The following SPOCD1 variants were observed in gnomAD, a reference collection of about 807,000 sequenced individuals.
SPOCD1 encodes SPOC domain containing 1.
Under a neutral mutation model 92.2 loss-of-function variants are expected in SPOCD1, and 64 were observed. That is an observed-to-expected ratio of 0.69 (90% CI 0.57 to 0.86). The LOEUF (loss-of-function observed/expected upper bound fraction) is 0.86, where lower values mean the gene tolerates loss of function less well. Among genes scored for constraint, SPOCD1 ranks in the 40% least tolerant of loss-of-function variants. The pLI is 0.00. For missense variants in SPOCD1, 1,360 were observed against 1,543.1 expected (o/e 0.88, Z 1.99); for synonymous variants, 578 against 619.3 (o/e 0.93, Z 0.99).
intron 5 of SPOCD1, 28 bp downstream of exon 5, chr1:31,799,988 G>A (rs754878542): frequency 1.9e-6 from 3 of 1,611,352 alleles, no homozygotes; most frequent in Non-Finnish European, 2.5e-6. Flanking sequence ...CAGTGAAGGA[G>A]GCACATGGCC....
chr1:31,793,131 T>C, intron 13 of SPOCD1, 147 bp downstream of exon 13: 1 of 1,010,242 alleles, frequency 9.9e-7, no homozygotes, highest in Non-Finnish European at 1.4e-6. Context: ...CAACATCTCA[T>C]TTGCCCCCAT....
chr1:31,806,548 T>A, intron 2 of SPOCD1, among the ~76,000 whole-genome samples: 1 of 143,674 alleles, frequency 7.0e-6, no homozygotes, highest in South Asian at 2.2e-4. Context: ...ATATGAAAAC[T>A]TTTTTTTTTT....
chr1:31,802,097 G>A (rs1648507823), intron 2 of SPOCD1, among the ~76,000 whole-genome samples: 1 of 152,198 alleles, frequency 6.6e-6, no homozygotes, highest in East Asian at 1.9e-4. Flanking sequence ...GAACCCAGGA[G>A]GCGGAGGTTG....
chr1:31,806,547 C>CCTTTTTTTTT (rs1648829426), intron 2 of SPOCD1, among the ~76,000 whole-genome samples: 1 of 143,628 alleles, frequency 7.0e-6, no homozygotes. Context: ...GATATGAAAA[C>CCTTTTTTTTT]TTTTTTTTTT....
chr1:31,808,186 T>C (rs1286032196), intron 2 of SPOCD1, among the ~76,000 whole-genome samples: 2 of 152,152 alleles, frequency 1.3e-5, no homozygotes, highest in Admixed American at 6.5e-5. Flanking sequence ...AAGGGTATTA[T>C]AGAACAAATC....
At chr1:31,803,936 G>C (rs1648644815) in intron 2 of SPOCD1, among the ~76,000 whole-genome samples, 1 of 152,114 alleles carries the variant, frequency 6.6e-6, no homozygotes. Context: ...CAGAAGGAGA[G>C]AGGAAAGAGA....
intron 12 of SPOCD1, 98 bp from the exon 13 acceptor site, chr1:31,793,526 T>C (rs984110759): frequency 3.3e-6 from 5 of 1,524,002 alleles, no homozygotes; most frequent in Non-Finnish European, 4.4e-6. Context: ...GTCCCTACTG[T>C]GGGGACTGGA....
At chr1:31,813,396 T>C (rs1649329219) in intron 2 of SPOCD1, among the ~76,000 whole-genome samples, 1 of 150,618 alleles carries the variant, frequency 6.6e-6, no homozygotes, top group Non-Finnish European at 1.5e-5. Flanking sequence ...GCCTCCAGAG[T>C]AGCTGGAACA....
At chr1:31,795,099 G>T (rs1002825573) in intron 10 of SPOCD1, 1 of 152,200 alleles carries the variant, frequency 6.6e-6, no homozygotes, top group African/African-American at 2.4e-5. Context: ...ATGTCCTTAG[G>T]ACAAGATTTC....
intron 3 of SPOCD1, among the ~76,000 whole-genome samples, chr1:31,801,436 A>C (rs1648457763): frequency 6.6e-6 from 1 of 152,198 alleles, no homozygotes; most frequent in Non-Finnish European, 1.5e-5. Flanking sequence ...GGTGAGTCTG[A>C]AAACTAATCC....
rs769640684 is a variant in SPOCD1, at chr1:31,815,053, G to A, written c.281C>T (p.Ser94Leu). 21 of 1,613,708 alleles carry A rather than the reference G, an allele frequency of 1.3e-5. No homozygotes were observed. The highest frequency in any genetic ancestry group is 6.7e-5 in the African/African-American group (5 of 74,914). Reference protein sequence around the residue: ...ELLAVVQSRGSMLAPGLHMQL... With the variant: ...ELLAVVQSRGLMLAPGLHMQL... ...CATGTGGAGCCCAGGAGCCAGCATC[G>A]AGCCCCGGCTCTGTACCACAGCTAG... Residue 94 changes from serine (S) to leucine (L), a missense_variant, in exon 2 of 16, where the codon TCG (serine) becomes TTG (leucine). Around this residue, in one of 3 missense-constraint regions of SPOCD1, gnomAD observed 140 missense variants for 183.8 expected, o/e 0.76. Coordinates refer to ENST00000360482, the MANE Select transcript of SPOCD1 (RefSeq NM_144569.7).
intron 2 of SPOCD1, among the ~76,000 whole-genome samples, chr1:31,802,858 G>A (rs963625016): frequency 3.3e-5 from 5 of 152,146 alleles, no homozygotes; most frequent in Non-Finnish European, 5.9e-5. Context: ...AAATATCACA[G>A]GAAGTATCTG....
In SPOCD1 at chr1:31,793,785, G is replaced by C. The variant is rs1370034079; in HGVS notation, c.2496C>G (p.Pro832=). 1 of 1,614,164 alleles carries C rather than the reference G, an allele frequency of 6.2e-7. No homozygotes were observed. The highest frequency in any genetic ancestry group is 1.7e-5 in the Admixed American group (1 of 60,024). The change falls in exon 12 of 16, where the codon CCC becomes CCG. Residue 832 remains proline (P), a synonymous_variant. Transcript: ENST00000360482. The part of the protein sequence containing the change: ...SQTPMPAPEM[P]KTRELSPTEP... ...CCGTGGGAGACAACTCCCTGGTTTT[G>C]GGCATCTCTGGAGCAGGCATAGGAG...
At chr1:31,811,568 C>G (rs1483805527) in intron 2 of SPOCD1, among the ~76,000 whole-genome samples, 2 of 152,180 alleles carry the variant, frequency 1.3e-5, no homozygotes, top group African/African-American at 2.4e-5. Context: ...TAAAGTCACC[C>G]TGTACTAAGA....
chr1:31,794,194 G>C lies in SPOCD1; in HGVS notation c.2313C>G (p.Pro771=). ...MFMDCSPQAL[P]IASEDTTGQH... ...GCCCCGTGGTGTCCTCTGATGCGATGGGCAGGGCCTGTGGGCTGCAGTCCA... is the reference window on the plus strand; with the variant it reads ...GCCCCGTGGTGTCCTCTGATGCGATCGGCAGGGCCTGTGGGCTGCAGTCCA... The change falls in exon 11 of 16, where the codon CCC becomes CCG. Residue 771 remains proline, a synonymous_variant. Coordinates refer to ENST00000360482, the MANE Select transcript of SPOCD1 (RefSeq NM_144569.7). 1 of 1,614,046 alleles carries C rather than the reference G, an allele frequency of 6.2e-7. No individual in the cohort carries two copies. Among genetic ancestry groups the C allele is most frequent in the Non-Finnish European group, 8.5e-7 (1 of 1,179,962 alleles).
intron 4 of SPOCD1, 37 bp from the exon 5 acceptor site, chr1:31,800,178 T>C (rs1267141945): frequency 1.3e-6 from 2 of 1,555,048 alleles, no homozygotes; most frequent in Admixed American, 2.1e-5. Context: ...TGGCCGGAAA[T>C]GGAGGCCAGG....
intron 3 of SPOCD1, among the ~76,000 whole-genome samples, chr1:31,801,121 A>C (rs893409057): frequency 1.3e-5 from 2 of 151,908 alleles, no homozygotes; most frequent in Non-Finnish European, 2.9e-5. Context: ...GCTGCTGATC[A>C]CTCCCCTATT....
Position 31,791,299 on chromosome 1 carries a change from G to T in SPOCD1, c.2963-8C>A. 6.6e-7 allele frequency: 1 copy of T among 1,505,990 alleles called. No individual in the cohort carries two copies. The highest frequency in any genetic ancestry group is 1.4e-5 in the South Asian group (1 of 73,698). The allele number at this position is 1,505,990 out of a possible 1,614,324, so 93.3% of individuals were successfully genotyped here. Reference sequence around the variant, plus strand: ...CAGGAAGAGCCCAAAGGCCTGCGGGGAAGAACTGTGTTCAGCTTAGCTGCA... The same window carrying T: ...CAGGAAGAGCCCAAAGGCCTGCGGGTAAGAACTGTGTTCAGCTTAGCTGCA... On this transcript the variant is annotated splice_polypyrimidine_tract_variant and splice_region_variant and intron_variant, in intron 15 of 15. Transcript: ENST00000360482.
intron 9 of SPOCD1, among the ~76,000 whole-genome samples, 165 bp from the exon 10 acceptor site, chr1:31,796,880 C>T (rs1453406925): frequency 2.0e-5 from 3 of 152,138 alleles, no homozygotes; most frequent in Admixed American, 6.5e-5. Context: ...CCACCCTTAG[C>T]GCTACCTCTC....
Sources: allele counts gnomAD v4.1 joint callset (sites outside exome capture counted in the v4.1 genomes callset), GRCh38; gene constraint gnomAD v4.1.1; regional missense constraint gnomAD v4.1.1; transcripts MANE v1.5; gene names NCBI Gene and HGNC (gene_info 2026-07-23, HGNC 2026-07-21).